WFDC1: variants seen among roughly 807,000 people sequenced by gnomAD.
The protein encoded by WFDC1 is WAP four-disulfide core domain 1.
A neutral mutation model predicts 32.9 loss-of-function variants in WFDC1; 39 were observed. The ratio of observed to expected loss-of-function variants is 1.19; its 90% CI spans 0.92 to 1.55. The LOEUF is 1.55. Among genes scored for constraint, WFDC1 ranks in the 40% most tolerant of loss-of-function variants. WFDC1 has a pLI of 0.00. For missense variants in WFDC1, 386 were observed against 309.5 expected (o/e 1.25, Z -1.85); for synonymous variants, 184 against 137.4 (o/e 1.34, Z -2.37).
At chr16:84,308,850 T>C (rs562949433) in intron 1 of WFDC1, among the ~76,000 whole-genome samples, 1 of 126,776 alleles carries the variant, frequency 7.9e-6, no homozygotes, top group African/African-American at 3.0e-5. Flanking sequence ...TGGGTGTAGA[T>C]GCCAGCCTGG....
chr16:84,301,132 G>T (rs1349512286), intron 1 of WFDC1, among the ~76,000 whole-genome samples: 1 of 152,266 alleles, frequency 6.6e-6, no homozygotes, highest in South Asian at 2.1e-4. Flanking sequence ...ACTGGAAGCT[G>T]GGAGAGACAT....
intron 1 of WFDC1, among the ~76,000 whole-genome samples, chr16:84,311,695 C>CTTCT (rs1555544787): frequency 1.4e-5 from 1 of 73,446 alleles, no homozygotes; most frequent in African/African-American, 5.8e-5. Flanking sequence ...TGCCTGACTG[C>CTTCT]TTTTTTTTTT....
At chr16:84,302,907 C>T (rs1907028970) in intron 1 of WFDC1, among the ~76,000 whole-genome samples, 1 of 152,104 alleles carries the variant, frequency 6.6e-6, no homozygotes, top group Non-Finnish European at 1.5e-5. Context: ...TTAAAACCTT[C>T]CGGAACAGAA....
chr16:84,299,180 G>C (rs555514640), intron 1 of WFDC1, among the ~76,000 whole-genome samples: 3 of 152,092 alleles, frequency 2.0e-5, no homozygotes, highest in East Asian at 1.9e-4. Flanking sequence ...GACCAACATG[G>C]AGAAACCCCG....
chr16:84,319,178 T>G, intron 3 of WFDC1: 1 of 540,128 alleles, frequency 1.9e-6, no homozygotes, highest in East Asian at 3.1e-5. Context: ...GCTGAGCCTG[T>G]GAGAGTATGT....
chr16:84,329,195 G>T (rs534642424), intron 6 of WFDC1, 127 bp from the exon 7 acceptor site: 1 of 149,876 alleles, frequency 6.7e-6, no homozygotes, highest in Non-Finnish European at 1.5e-5. Flanking sequence ...TGATGGTGGC[G>T]GTGGCGGCGG....
In WFDC1 at chr16:84,326,932, T is replaced by C. The variant is rs1908638720; in HGVS notation, c.655T>C (p.Phe219Leu). The C allele has an allele frequency of 1.2e-6, 2 of 1,613,934 alleles. No homozygotes were observed. The highest frequency in any genetic ancestry group is 1.7e-6 in the Non-Finnish European group (2 of 1,180,024). The change falls in exon 6 of 7, where the codon TTT (phenylalanine) becomes CTT (leucine). Residue 219 changes from phenylalanine to leucine, a missense_variant. Phe to Leu is a conservative substitution (Grantham distance 22). Transcript: ENST00000219454. ...AEPGRGQQKH[F>L]Q is the part of the protein sequence containing the mutation. The stretch of plus-strand genomic sequence containing the variant: ...ACCTGGAAGGGGACAACAGAAGCAC[T>C]TTCAGTAAAGCAACGGCAAGCAGGT...
At chr16:84,320,088 G>A (rs573192827) in intron 4 of WFDC1, among the ~76,000 whole-genome samples, 1 of 152,188 alleles carries the variant, frequency 6.6e-6, no homozygotes, top group Non-Finnish European at 1.5e-5. Context: ...TGTAGAAACT[G>A]TACTTCAAGT....
chr16:84,323,802 A>C (rs867346440), intron 4 of WFDC1, among the ~76,000 whole-genome samples: 1 of 152,184 alleles, frequency 6.6e-6, no homozygotes, highest in African/African-American at 2.4e-5. Context: ...GTGTGTTGAA[A>C]TTTGGCTTCC....
rs921786526 is a variant in WFDC1, at chr16:84,309,981, A to G, written c.145-2980A>G. Among the ~76,000 whole-genome samples the G allele has an allele frequency of 7.9e-5, 12 of 152,032 alleles. No individual in the cohort carries two copies. The East Asian group carries it at 1.9e-3, about 25-fold the overall frequency. The stretch of plus-strand genomic sequence containing the variant: ...TCATCTCCCCATGTCAAGATCCTTA[A>G]CCTAATTGCGTCTGCAAAGACCCTT... On this transcript the variant is annotated intron_variant, in intron 1 of 6. Transcript: ENST00000219454.
intron 3 of WFDC1, 93 bp from the exon 4 acceptor site, chr16:84,319,338 G>T: frequency 6.5e-7 from 1 of 1,529,470 alleles, no homozygotes; most frequent in Non-Finnish European, 8.8e-7. Context: ...TGCGTTCCCT[G>T]CACCCGTCCC....
At chr16:84,299,403 A>G (rs537585374) in intron 1 of WFDC1, among the ~76,000 whole-genome samples, 2 of 152,216 alleles carry the variant, frequency 1.3e-5, no homozygotes, top group South Asian at 4.1e-4. Context: ...AAAAAACCAA[A>G]AACCCCATTC....
chr16:84,309,072 G>A (rs1907453197), intron 1 of WFDC1, among the ~76,000 whole-genome samples: 1 of 152,190 alleles, frequency 6.6e-6, no homozygotes, highest in South Asian at 2.1e-4. Context: ...TTGAACCAAG[G>A]CCGTTAGCTG....
chr16:84,303,252 C>T (rs1317002641), intron 1 of WFDC1, among the ~76,000 whole-genome samples: 1 of 152,080 alleles, frequency 6.6e-6, no homozygotes, highest in African/African-American at 2.4e-5. Flanking sequence ...TCTTCCTCCA[C>T]CACGCAAACC....
intron 1 of WFDC1, among the ~76,000 whole-genome samples, chr16:84,307,718 G>T (rs967973863): frequency 3.3e-5 from 5 of 152,124 alleles, no homozygotes; most frequent in Admixed American, 6.5e-5. Context: ...TCCCGACGAC[G>T]TACGGTGTAT....
At chr16:84,298,948 G>A (rs1189378144) in intron 1 of WFDC1, among the ~76,000 whole-genome samples, 1 of 152,162 alleles carries the variant, frequency 6.6e-6, no homozygotes, top group Non-Finnish European at 1.5e-5. Flanking sequence ...TGCAGCACGG[G>A]ACACAGTAGT....
At chr16:84,318,820 C>T (rs1466576515) in intron 3 of WFDC1, 2 of 215,340 alleles carry the variant, frequency 9.3e-6, no homozygotes, top group Non-Finnish European at 9.6e-6. Context: ...TCTGACTCCA[C>T]GTCCATCTGT....
At chr16:84,302,679 C>G (rs1331772616) in intron 1 of WFDC1, among the ~76,000 whole-genome samples, 1 of 152,200 alleles carries the variant, frequency 6.6e-6, no homozygotes, top group African/African-American at 2.4e-5. Flanking sequence ...GTTTAGGTTT[C>G]TCTCTAACTG....
chr16:84,306,324 T>C (rs978276077), intron 1 of WFDC1, among the ~76,000 whole-genome samples: 3 of 152,172 alleles, frequency 2.0e-5, no homozygotes, highest in African/African-American at 7.2e-5. Flanking sequence ...TTCGGTCCCT[T>C]CCATCTTGGG....
Sources: allele counts gnomAD v4.1 joint callset (sites outside exome capture counted in the v4.1 genomes callset), GRCh38; gene constraint gnomAD v4.1.1; transcripts MANE v1.5; gene names NCBI Gene and HGNC (gene_info 2026-07-23, HGNC 2026-07-21).